PIK3R6: variants seen among roughly 807,000 people sequenced by gnomAD.
The protein encoded by PIK3R6 is phosphoinositide 3-kinase regulatory subunit 6.
PIK3R6 carries 91 observed loss-of-function variants against 84.9 expected under a neutral mutation model. That is an observed-to-expected ratio of 1.07 (90% CI 0.90 to 1.28). PIK3R6 has a LOEUF of 1.28. Among genes scored for constraint, PIK3R6 ranks in the 50% most tolerant of loss-of-function variants. The probability of loss-of-function intolerance (pLI) is 0.00; values close to 1 mark genes in which losing one functional copy is unlikely to be tolerated. For synonymous variants in PIK3R6, 416 were observed against 411.4 expected, an observed-to-expected ratio of 1.01 and a Z score of -0.13; for missense variants, 996 against 985.1, an observed-to-expected ratio of 1.01 and a Z score of -0.15.
intron 1 of PIK3R6, among the ~76,000 whole-genome samples, chr17:8,854,394 G>A (rs1265069522): frequency 2.0e-5 from 3 of 152,058 alleles, no homozygotes; most frequent in East Asian, 1.9e-4. Flanking sequence ...TTATCCTCCC[G>A]CCTCGGTCTC....
Position 8,827,298 on chromosome 17 carries a change from G to A in PIK3R6, c.1393-4C>T, listed in dbSNP as rs2151225487. 1 of 1,551,448 alleles carries A rather than the reference G, an allele frequency of 6.4e-7. No individual in the cohort carries two copies. The highest frequency in any genetic ancestry group is 8.7e-7 in the Non-Finnish European group (1 of 1,147,750). ...GCTGCCTGGATGCTGCAGGCTTCTG[G>A]GGGAAAGGGGATGGGGCAGACCCGT... On this transcript the variant is annotated splice_polypyrimidine_tract_variant and splice_region_variant and intron_variant, in intron 12 of 19. Coordinates refer to ENST00000619866, the MANE Select transcript of PIK3R6 (RefSeq NM_001010855.4).
chr17:8,817,122 C>G (rs908622000), intron 18 of PIK3R6, among the ~76,000 whole-genome samples: 1 of 152,060 alleles, frequency 6.6e-6, no homozygotes, highest in Non-Finnish European at 1.5e-5. Context: ...CCCATCAAGA[C>G]CTATTTACAA....
chr17:8,815,409 G>A (rs1422128282), intron 18 of PIK3R6, among the ~76,000 whole-genome samples: 2 of 151,954 alleles, frequency 1.3e-5, no homozygotes, highest in South Asian at 2.1e-4. Context: ...GGGAGGCTGA[G>A]GCAGGAGAAT....
At chr17:8,813,424 A>C (rs913714672) in intron 18 of PIK3R6, among the ~76,000 whole-genome samples, 1 of 152,194 alleles carries the variant, frequency 6.6e-6, no homozygotes, top group South Asian at 2.1e-4. Context: ...AGTCACTCTG[A>C]TACCAAAGCT....
chr17:8,834,732 T>C (rs911289766), intron 8 of PIK3R6, among the ~76,000 whole-genome samples: 1 of 151,982 alleles, frequency 6.6e-6, no homozygotes, highest in Admixed American at 6.6e-5. Flanking sequence ...TGACTCCGAG[T>C]GAGATGATGT....
intron 1 of PIK3R6, among the ~76,000 whole-genome samples, chr17:8,865,716 G>C (rs1029186180): frequency 3.3e-5 from 5 of 151,874 alleles, no homozygotes; most frequent in Non-Finnish European, 2.9e-5. Context: ...TCAACCTTTA[G>C]CCCTTGCCCC....
At chr17:8,859,154 C>G (rs779315813) in intron 1 of PIK3R6, among the ~76,000 whole-genome samples, 16 of 152,252 alleles carry the variant, frequency 1.1e-4, no homozygotes, top group Non-Finnish European at 2.1e-4. Flanking sequence ...AGAGGGCCCT[C>G]TGGCTGTCTT....
chr17:8,829,086 G>C (rs1444707432), intron 10 of PIK3R6, 96 bp from the exon 11 acceptor site: 12 of 1,182,570 alleles, frequency 1.0e-5, no homozygotes, highest in Non-Finnish European at 9.2e-6. Context: ...CACACACACA[G>C]AAACACAGAC....
Position 8,839,624 on chromosome 17 carries a change from C to A in PIK3R6, c.87G>T (p.Gln29His). Reference protein sequence around the residue: ...RELSTQAPALQSNQGMWRWSL... With the variant: ...RELSTQAPALHSNQGMWRWSL... The stretch of plus-strand genomic sequence containing the variant: ...CCAGCTGGCTCTTACCTTGGTTGCT[C>A]TGCAGGGCAGGGGCCTGGGTGCTGA... Residue 29 changes from glutamine to histidine, a missense_variant, in exon 3 of 20, where the codon CAG becomes CAT. Coordinates refer to ENST00000619866, the MANE Select transcript of PIK3R6 (RefSeq NM_001010855.4). The surrounding 1 kb of genome is among the most constrained non-coding windows in gnomAD (Gnocchi z 4.2). 6.4e-7 allele frequency: 1 copy of A among 1,571,452 alleles called. No homozygotes were observed. The highest frequency in any genetic ancestry group is 1.2e-5 in the South Asian group (1 of 85,288).
At chr17:8,848,669 G>C (rs559519616) in intron 2 of PIK3R6, among the ~76,000 whole-genome samples, 1 of 152,326 alleles carries the variant, frequency 6.6e-6, no homozygotes, top group South Asian at 2.1e-4. Context: ...CCAATATGCA[G>C]TGCCTGACTG....
At chr17:8,818,491 A>G (rs755632190) in intron 18 of PIK3R6, among the ~76,000 whole-genome samples, 2 of 152,170 alleles carry the variant, frequency 1.3e-5, no homozygotes, top group Non-Finnish European at 2.9e-5. Flanking sequence ...TCTACTAAAA[A>G]TACAAAAATT....
intron 18 of PIK3R6, 53 bp downstream of exon 18, chr17:8,819,030 C>T (rs1238349761): frequency 7.3e-7 from 1 of 1,374,478 alleles, no homozygotes; most frequent in African/African-American, 1.4e-5. Context: ...CTCCCAGCCA[C>T]CTACTGCTGT....
chr17:8,856,408 G>A (rs1469723030), intron 1 of PIK3R6, among the ~76,000 whole-genome samples: 2 of 152,252 alleles, frequency 1.3e-5, no homozygotes, highest in African/African-American at 2.4e-5. Context: ...TCGAGACCAG[G>A]CTGGCCAAAA....
At chr17:8,827,060 CCT>C in intron 13 of PIK3R6, 110 bp downstream of exon 13, 1 of 1,271,732 alleles carries the variant, frequency 7.9e-7, no homozygotes, top group Non-Finnish European at 1.1e-6. Flanking sequence ...AAGATGGCCC[CCT>C]CTCACCCCCA....
At position 8,837,814 on chromosome 17, in the gene PIK3R6, C is replaced by T. The variant is rs759549290; in HGVS notation, c.247G>A (p.Val83Met). 1.9e-5 allele frequency: 31 copies of T among 1,613,492 alleles called. No homozygotes were observed. The highest frequency in any genetic ancestry group is 1.2e-4 in the Admixed American group (7 of 59,974). The change falls in exon 5 of 20, where the codon GTG (valine) becomes ATG (methionine). Residue 83 changes from valine (V) to methionine (M), a missense_variant. Coordinates refer to ENST00000619866, the MANE Select transcript of PIK3R6 (RefSeq NM_001010855.4). ...IIPLLHTVMYVLTKATGITEE... is the reference protein window; with the variant it reads ...IIPLLHTVMYMLTKATGITEE... ...AGTCCCCAGCTCACCTTGGTGAGCA[C>T]GTACATTACAGTGTGCAGCAAGGGA...
chr17:8,808,733 T>C (rs922687997), intron 18 of PIK3R6, among the ~76,000 whole-genome samples: 1 of 152,156 alleles, frequency 6.6e-6, no homozygotes, highest in African/African-American at 2.4e-5. Flanking sequence ...GTGAGTTTGA[T>C]AGTCCAGGAA....
Position 8,803,059 on chromosome 17 carries a change from C to G in PIK3R6, c.*214G>C. ...GCTTGGTGTGTATGTTCTCAAGCAGCGACAGCATTGCCTGGGCCATCCGTA... is the reference window on the plus strand; with the variant it reads ...GCTTGGTGTGTATGTTCTCAAGCAGGGACAGCATTGCCTGGGCCATCCGTA... On this transcript the variant is annotated 3_prime_UTR_variant, in exon 20 of 20. Transcript: ENST00000619866. The surrounding 1 kb of genome is among the most constrained non-coding windows in gnomAD (Gnocchi z 5.0). 1.7e-6 allele frequency: 1 copy of G among 572,842 alleles called. No individual in the cohort carries two copies. The highest frequency in any genetic ancestry group is 3.1e-6 in the Non-Finnish European group (1 of 325,180). 35.5% of individuals were successfully genotyped at this position (572,842 alleles called of 1,614,324 possible).
rs574457899 is a variant in PIK3R6, at chr17:8,819,049, G to A, written c.1995+34C>T. 8.1e-6 allele frequency: 12 copies of A among 1,482,428 alleles called. No homozygotes were observed. In the Admixed American group the frequency reaches 1.9e-4, roughly 24 times the overall value. The allele number at this position is 1,482,428 out of a possible 1,614,324, so 91.8% of individuals were successfully genotyped here. A position where few individuals can be genotyped will look rare whatever the true frequency, so the allele number is the denominator to read the frequency against. ...CAGCCACCTACTGCTGTCCCAGCTG[G>A]CTGTCTCCCTTTCCCAGTCTACTCA... On this transcript the variant is annotated intron_variant, in intron 18 of 19. Transcript: ENST00000619866.
rs2087775080 is a variant in PIK3R6, at chr17:8,822,574, C to T, written c.1788+13G>A. 1 of 1,613,858 alleles carries T rather than the reference C, an allele frequency of 6.2e-7. No individual in the cohort carries two copies. Among genetic ancestry groups the T allele is most frequent in the Non-Finnish European group, 8.5e-7 (1 of 1,179,740 alleles). On this transcript the variant is annotated intron_variant, in intron 16 of 19. Coordinates refer to ENST00000619866, the MANE Select transcript of PIK3R6 (RefSeq NM_001010855.4). ...CTCTTGGCTACCTACTGACCACGTC[C>T]ATGCACACTGACCTTCTGGTAGCAT...
Sources: gnomAD v4.1 joint callset for allele counts (sites outside exome capture counted in the v4.1 genomes callset) on GRCh38, gnomAD v4.1.1 for gene constraint, Gnocchi (gnomAD v3.1) non-coding constraint, MANE v1.5 for transcripts, NCBI Gene and HGNC (gene_info 2026-07-23, HGNC 2026-07-21) for gene names.